BRINP3: variants seen among roughly 807,000 people sequenced by gnomAD.
The protein encoded by BRINP3 is BMP/retinoic acid-inducible neural-specific protein 3.
In BRINP3, 19 loss-of-function variants were observed where a neutral mutation model predicts 71.0. That is an observed-to-expected ratio of 0.27 (90% CI 0.19 to 0.39). BRINP3 has a LOEUF of 0.39. BRINP3 is among the 10% of genes least tolerant of loss of function. BRINP3 has a pLI of 1.00. For missense variants in BRINP3, 959 were observed against 940.8 expected (o/e 1.02, Z -0.25); for synonymous variants, 380 against 337.7 (o/e 1.13, Z -1.37).
intron 7 of BRINP3, among the ~76,000 whole-genome samples, chr1:190,106,815 G>C (rs1652211365): frequency 6.6e-6 from 1 of 151,646 alleles, no homozygotes; most frequent in African/African-American, 2.4e-5. Context: ...TATGTTTCAT[G>C]ACCAATTTCC....
intron 2 of BRINP3, among the ~76,000 whole-genome samples, chr1:190,295,650 A>G (rs983017441): frequency 2.0e-5 from 3 of 151,978 alleles, no homozygotes; most frequent in Non-Finnish European, 4.4e-5. Context: ...AGACGTCTAA[A>G]TGCCTCTTCT....
chr1:190,404,369 G>A (rs748799456), intron 2 of BRINP3, among the ~76,000 whole-genome samples: 1 of 152,022 alleles, frequency 6.6e-6, no homozygotes, highest in Non-Finnish European at 1.5e-5. Flanking sequence ...TAATAATTTT[G>A]TATTGATGGA....
intron 7 of BRINP3, among the ~76,000 whole-genome samples, chr1:190,116,465 G>A (rs2102301036): frequency 6.6e-6 from 1 of 152,088 alleles, no homozygotes; most frequent in African/African-American, 2.4e-5. Context: ...ATAACCAATG[G>A]TGTTAGACAA....
At chr1:190,210,802 G>A (rs1182750243) in intron 6 of BRINP3, among the ~76,000 whole-genome samples, 1 of 152,044 alleles carries the variant, frequency 6.6e-6, no homozygotes, top group East Asian at 1.9e-4. Flanking sequence ...CAGCGGACTG[G>A]GAGAGGCAGA....
At chr1:190,364,701 G>A (rs1380635053) in intron 2 of BRINP3, among the ~76,000 whole-genome samples, 1 of 151,934 alleles carries the variant, frequency 6.6e-6, no homozygotes, top group African/African-American at 2.4e-5. Context: ...GACATCTTGA[G>A]TAATCTTAAA....
At chr1:190,101,492 T>C (rs1026509534) in intron 7 of BRINP3, among the ~76,000 whole-genome samples, 6 of 152,182 alleles carry the variant, frequency 3.9e-5, no homozygotes, top group African/African-American at 1.4e-4. Context: ...TTACAGTTAC[T>C]GACATGTTTA....
intron 6 of BRINP3, among the ~76,000 whole-genome samples, chr1:190,164,207 C>A (rs978428885): frequency 6.6e-6 from 1 of 152,044 alleles, no homozygotes; most frequent in African/African-American, 2.4e-5. Context: ...ATGTTCAGAA[C>A]CTCTATTCAG....
chr1:190,158,134 T>C (rs930817672), intron 7 of BRINP3, among the ~76,000 whole-genome samples: 4 of 152,084 alleles, frequency 2.6e-5, no homozygotes, highest in Non-Finnish European at 5.9e-5. Context: ...TGGGAGGTAA[T>C]TGAATCATGG....
chr1:190,126,812 T>A (rs987607691), intron 7 of BRINP3, among the ~76,000 whole-genome samples: 1 of 151,894 alleles, frequency 6.6e-6, no homozygotes, highest in Non-Finnish European at 1.5e-5. Context: ...TGTCGATTGT[T>A]TTCTCCTTGC....
In BRINP3 at chr1:190,370,992, C is replaced by A. The variant is rs542053537; in HGVS notation, c.236+83663G>T. Reference sequence around the variant, plus strand: ...CTGGTTGTCTTCCTTTGAGAAATGTCTATTCAAGTTATTTGCCCATATTAT... The same window carrying A: ...CTGGTTGTCTTCCTTTGAGAAATGTATATTCAAGTTATTTGCCCATATTAT... On this transcript the variant is annotated intron_variant, in intron 2 of 7. Coordinates refer to ENST00000367462, the MANE Select transcript of BRINP3 (RefSeq NM_199051.3). 1.6e-3 allele frequency among the ~76,000 whole-genome samples: 245 copies of A among 152,262 alleles called. 2 individuals are homozygous for A. Among genetic ancestry groups the A allele is most frequent in the Non-Finnish European group, 1.0e-3 (71 of 68,022 alleles).
intron 5 of BRINP3, among the ~76,000 whole-genome samples, chr1:190,227,487 G>A (rs890272786): frequency 6.6e-6 from 1 of 151,688 alleles, no homozygotes; most frequent in African/African-American, 2.4e-5. Context: ...ATATGAGGGT[G>A]ACTGAGAAAT....
chr1:190,194,984 T>G (rs1484971364), intron 6 of BRINP3, among the ~76,000 whole-genome samples: 3 of 152,220 alleles, frequency 2.0e-5, no homozygotes, highest in Admixed American at 1.3e-4. Flanking sequence ...TACTTGGAAC[T>G]TTAGAAAAAA....
chr1:190,345,737 A>G (rs1015244634), intron 2 of BRINP3, among the ~76,000 whole-genome samples: 4 of 149,498 alleles, frequency 2.7e-5, no homozygotes, highest in African/African-American at 9.8e-5. Flanking sequence ...AAAAAAGAAC[A>G]CTTGTTAAAA....
intron 2 of BRINP3, among the ~76,000 whole-genome samples, chr1:190,454,255 G>A (rs1201798952): frequency 1.3e-5 from 2 of 152,140 alleles, no homozygotes; most frequent in South Asian, 4.1e-4. Context: ...CAACTTCTCA[G>A]TGACTAGTAG....
chr1:190,141,454 A>G (rs931239266), intron 7 of BRINP3, among the ~76,000 whole-genome samples: 5 of 151,924 alleles, frequency 3.3e-5, no homozygotes, highest in Non-Finnish European at 5.9e-5. Context: ...TCCAGAATTA[A>G]CACCACAATT....
chr1:190,274,469 G>A (rs1258304971), intron 3 of BRINP3, among the ~76,000 whole-genome samples: 1 of 151,420 alleles, frequency 6.6e-6, no homozygotes. Flanking sequence ...GGAGTGATTT[G>A]TAGTTATTAA....
chr1:190,226,403 G>T (rs530689944), intron 5 of BRINP3, 85 bp from the exon 6 acceptor site: 2 of 707,938 alleles, frequency 2.8e-6, no homozygotes, highest in Non-Finnish European at 4.3e-6. Flanking sequence ...AATCAAAACA[G>T]TAAATAATTT....
chr1:190,119,468 G>A (rs1252301628), intron 7 of BRINP3, among the ~76,000 whole-genome samples: 3 of 151,966 alleles, frequency 2.0e-5, no homozygotes, highest in African/African-American at 7.3e-5. Context: ...TAGAGATGGG[G>A]TTTCACCATT....
chr1:190,350,236 C>T (rs1360668547), intron 2 of BRINP3, among the ~76,000 whole-genome samples: 1 of 152,104 alleles, frequency 6.6e-6, no homozygotes, highest in Non-Finnish European at 1.5e-5. Flanking sequence ...TACAAATCTC[C>T]TTAAATGTAG....
Sources: gnomAD v4.1 joint callset for allele counts (sites outside exome capture counted in the v4.1 genomes callset) on GRCh38, gnomAD v4.1.1 for gene constraint, MANE v1.5 for transcripts, NCBI Gene and HGNC (gene_info 2026-07-23, HGNC 2026-07-21) for gene names.